MGST1: variants seen among roughly 807,000 people sequenced by gnomAD.
The protein encoded by MGST1 is glutathione S-transferase 12.
MGST1 carries 5 observed loss-of-function variants against 8.9 expected under a neutral mutation model. The observed-to-expected ratio is 0.56, with a 90% CI of 0.29 to 1.19. MGST1 has a LOEUF of 1.19. MGST1 is among the 50% of genes most tolerant of loss of function. MGST1 has a pLI of 0.08. For missense variants in MGST1, 182 were observed against 187.4 expected, an observed-to-expected ratio of 0.97 and a Z score of 0.17; for synonymous variants, 54 against 67.8, an observed-to-expected ratio of 0.80 and a Z score of 1.00.
chr12:16,354,091 C>G, intron 1 of MGST1, 140 bp from the exon 2 acceptor site: 1 of 672,804 alleles, frequency 1.5e-6, no homozygotes, highest in Non-Finnish European at 2.3e-6. Context: ...AAAAACTAAA[C>G]AATCATTTCT....
Position 16,385,643 on chromosome 12 carries a change from G to A in MGST1, n.778+2039G>A, listed in dbSNP as rs182731938. On this transcript the variant is annotated intron_variant and non_coding_transcript_variant, in intron 1 of 1. Coordinates refer to the MGST1 transcript ENST00000359720. ...TGCAACTGTATCTCTTTTAGTTTCA[G>A]ACCTACCATCAAAGCCCAGGAGAAG... Among the ~76,000 whole-genome samples, 182 of 151,378 alleles carry A rather than the reference G, an allele frequency of 1.2e-3. 1 individual carries two copies. The highest frequency in any genetic ancestry group is 4.2e-3 in the African/African-American group (172 of 41,262).
At chr12:16,570,757 GATTT>G (rs1416153494) in intron 4 of MGST1, among the ~76,000 whole-genome samples, 3 of 152,140 alleles carry the variant, frequency 2.0e-5, no homozygotes, top group African/African-American at 7.2e-5. Context: ...CAGAGATTGT[GATTT>G]AGTGACAACA....
chr12:16,474,318 A>G (rs1941306784), intron 4 of MGST1, among the ~76,000 whole-genome samples: 1 of 152,258 alleles, frequency 6.6e-6, no homozygotes, highest in African/African-American at 2.4e-5. Flanking sequence ...AATTACAAGG[A>G]AAAATTTTAA....
In MGST1 at chr12:16,364,039, T is replaced by A; in HGVS notation, c.466T>A (p.Ter156LysextTer28). The A allele has an allele frequency of 6.2e-7, 1 of 1,601,662 alleles. No individual in the cohort carries two copies. The highest frequency in any genetic ancestry group is 1.1e-5 in the South Asian group (1 of 89,764). Residue 156 changes from the stop codon to lysine (K), a stop_lost, in exon 4 of 4, where the codon TAA becomes AAA. Transcript: ENST00000396210. This position sits in a 1 kb window ranked among gnomAD's most constrained non-coding sequence, Gnocchi z 5.7. ...GTTGCTGAAAAGTAAATTGTACCTG[T>A]AAAGAAAATCATACAACTCAGCATC... ...YRLLKSKLYL* is the reference protein window; with the variant it reads ...YRLLKSKLYLK
chr12:16,577,160 A>G (rs1278545689), intron 4 of MGST1, among the ~76,000 whole-genome samples: 1 of 152,180 alleles, frequency 6.6e-6, no homozygotes, highest in African/African-American at 2.4e-5. Context: ...TTTCTTTACC[A>G]TCATTACCCC....
chr12:16,394,589 CTTT>C (rs1940589114), intron 1 of MGST1, among the ~76,000 whole-genome samples: 1 of 129,690 alleles, frequency 7.7e-6, no homozygotes, highest in Non-Finnish European at 1.7e-5. Flanking sequence ...CTCTGTCTCT[CTTT>C]TTTCTTTTCT....
chr12:16,355,312 G>T (rs1939668122), intron 2 of MGST1, among the ~76,000 whole-genome samples: 2 of 151,004 alleles, frequency 1.3e-5, no homozygotes, highest in South Asian at 4.2e-4. Context: ...GGGTTCAAGT[G>T]CTTCTCATGC....
chr12:16,506,291 G>A (rs1941537743), intron 4 of MGST1, among the ~76,000 whole-genome samples: 2 of 152,180 alleles, frequency 1.3e-5, no homozygotes. Context: ...ACAGTGGTTT[G>A]TAGTACAGGA....
intron 1 of MGST1, among the ~76,000 whole-genome samples, chr12:16,434,729 A>C (rs1940969089): frequency 1.3e-5 from 2 of 151,834 alleles, no homozygotes; most frequent in South Asian, 4.2e-4. Flanking sequence ...TGGAGCATTC[A>C]GTTCCCTTTG....
At chr12:16,466,398 T>C (rs1175356615) in intron 4 of MGST1, among the ~76,000 whole-genome samples, 2 of 152,228 alleles carry the variant, frequency 1.3e-5, no homozygotes, top group African/African-American at 2.4e-5. Flanking sequence ...AGGAATCTAC[T>C]GTATACAACT....
intron 4 of MGST1, among the ~76,000 whole-genome samples, chr12:16,569,625 C>A (rs1379930590): frequency 6.6e-6 from 1 of 152,064 alleles, no homozygotes. Context: ...AAAAATATTT[C>A]CAGGCAAATA....
intron 1 of MGST1, among the ~76,000 whole-genome samples, chr12:16,425,277 T>C (rs2137087463): frequency 6.6e-6 from 1 of 152,062 alleles, no homozygotes; most frequent in East Asian, 1.9e-4. Context: ...AACTAGTGGG[T>C]TTTTTATTAT....
intron 1 of MGST1, chr12:16,383,749 C>G (rs1940479180): frequency 6.6e-6 from 1 of 152,270 alleles, no homozygotes; most frequent in East Asian, 1.9e-4. Context: ...GCGTGAGCCA[C>G]CATACCCGGA....
rs184176685 is a variant in MGST1 at position 16,574,727 on chromosome 12, G to C, written n.483-14801G>C. 5.7e-3 allele frequency among the ~76,000 whole-genome samples: 875 copies of C among 152,182 alleles called. 6 individuals carry two copies. Among genetic ancestry groups the C allele is most frequent in the Non-Finnish European group, 0.01 (694 of 67,998 alleles). On this transcript the variant is annotated intron_variant and non_coding_transcript_variant, in intron 4 of 4. Coordinates refer to the MGST1 transcript ENST00000538857. ...TGTTTCCAACCGCAAAGGATTTATC[G>C]GCCATTAGAAAAGAAAGTCTTCTAT...
Position 16,482,550 on chromosome 12 carries a change from G to C in MGST1, n.482+98946G>C, listed in dbSNP as rs1255822681. Among the ~76,000 whole-genome samples the C allele has an allele frequency of 6.6e-6, 1 of 151,804 alleles. No individual in the cohort carries two copies. The highest frequency in any genetic ancestry group is 1.5e-5 in the Non-Finnish European group (1 of 68,002). ...GGAGGCCGAGGCAGGAGAATTGCTT[G>C]AAACTGGGAGGTGGAGATTGCAGTG... On this transcript the variant is annotated intron_variant and non_coding_transcript_variant, in intron 4 of 4. Coordinates refer to the MGST1 transcript ENST00000538857. This position sits in a 1 kb window ranked among gnomAD's most constrained non-coding sequence, Gnocchi z 4.2.
chr12:16,386,554 AT>A (rs1940505738), intron 1 of MGST1, among the ~76,000 whole-genome samples: 2 of 152,158 alleles, frequency 1.3e-5, no homozygotes, highest in Admixed American at 6.5e-5. Flanking sequence ...TTCTAAAACA[AT>A]CTGTCATGAA....
At chr12:16,442,886 A>T (rs1342689494), downstream of MGST1, among the ~76,000 whole-genome samples, 1 of 151,694 alleles carries the variant, frequency 6.6e-6, no homozygotes, top group African/African-American at 2.4e-5. This position sits in a 1 kb window ranked among gnomAD's most constrained non-coding sequence, Gnocchi z 4.5. Flanking sequence ...AATCAATTTG[A>T]TGTGTCATAT....
intron 4 of MGST1, among the ~76,000 whole-genome samples, chr12:16,553,748 T>A (rs1942078947): frequency 6.6e-6 from 1 of 152,040 alleles, no homozygotes; most frequent in African/African-American, 2.4e-5. Flanking sequence ...TAAAGAAATT[T>A]CAGAGACAGC....
intron 1 of MGST1, chr12:16,399,716 T>A (rs543454026): frequency 1.1e-5 from 13 of 1,234,040 alleles, no homozygotes; most frequent in African/African-American, 1.0e-4. Context: ...TGGTCTTTAT[T>A]GCTTTAGTCC....
Sources: allele counts gnomAD v4.1 joint callset (sites outside exome capture counted in the v4.1 genomes callset), GRCh38; gene constraint gnomAD v4.1.1; non-coding constraint Gnocchi (gnomAD v3.1); transcripts MANE v1.5; gene names NCBI Gene and HGNC (gene_info 2026-07-23, HGNC 2026-07-21).